FHIT: variants seen among roughly 807,000 people sequenced by gnomAD.
FHIT encodes the protein fragile histidine triad diadenosine triphosphatase.
FHIT carries 19 observed loss-of-function variants against 17.9 expected under a neutral mutation model. The observed-to-expected ratio is 1.06, with a 90% CI of 0.74 to 1.56. FHIT has a LOEUF of 1.56. Among genes scored for constraint, FHIT ranks in the 40% most tolerant of loss-of-function variants. FHIT has a pLI of 0.00. For missense variants in FHIT, 248 were observed against 189.2 expected (o/e 1.31, Z -1.82); for synonymous variants, 81 against 69.7 (o/e 1.16, Z -0.81).
chr3:61,237,203 C>A (rs141037805), intron 1 of FHIT, among the ~76,000 whole-genome samples: 48 of 152,254 alleles, frequency 3.2e-4, no homozygotes, highest in African/African-American at 9.1e-4. Flanking sequence ...ATTAAAAATG[C>A]TTTCAGTATT....
At chr3:59,944,517 T>TC (rs1164155289) in intron 7 of FHIT, among the ~76,000 whole-genome samples, 2 of 151,804 alleles carry the variant, frequency 1.3e-5, no homozygotes, top group Non-Finnish European at 2.9e-5. Flanking sequence ...TTTTTTTCTT[T>TC]TTTTTTTATT....
intron 5 of FHIT, among the ~76,000 whole-genome samples, chr3:60,288,250 T>C (rs1241213584): frequency 1.3e-5 from 2 of 152,150 alleles, no homozygotes; most frequent in East Asian, 3.9e-4. Flanking sequence ...TTTTATGACC[T>C]AGACTCTGAA....
intron 3 of FHIT, among the ~76,000 whole-genome samples, chr3:60,845,541 G>A (rs577905111): frequency 1.3e-5 from 2 of 152,020 alleles, no homozygotes; most frequent in Non-Finnish European, 2.9e-5. Flanking sequence ...TCTTGGAGAG[G>A]TAAAAATAAA....
intron 4 of FHIT, among the ~76,000 whole-genome samples, chr3:60,554,865 A>C (rs2036690509): frequency 6.6e-6 from 1 of 152,206 alleles, no homozygotes; most frequent in Non-Finnish European, 1.5e-5. Context: ...ATGGCAAAGC[A>C]ATGCTGCTCA....
chr3:60,862,943 G>C (rs952375624), intron 3 of FHIT, among the ~76,000 whole-genome samples: 1 of 151,992 alleles, frequency 6.6e-6, no homozygotes, highest in Non-Finnish European at 1.5e-5. Context: ...ATGTATCAAG[G>C]TTACTAGTCA....
At position 60,581,131 on chromosome 3, in the gene FHIT, C is replaced by T. The variant is rs141489276; in HGVS notation, c.-17-44152G>A. ...AACCTCTCATTCTCTCTTGCTCACT[C>T]GCACACACATTATTTCTACTTTATG... On this transcript the variant is annotated intron_variant, in intron 4 of 9. Coordinates refer to ENST00000492590, the MANE Select transcript of FHIT (RefSeq NM_002012.4). 2.6e-5 allele frequency among the ~76,000 whole-genome samples: 4 copies of T among 152,192 alleles called. 1 individual carries two copies. The South Asian group carries it at 6.2e-4, about 24-fold the overall frequency.
Position 59,932,750 on chromosome 3 carries a change from C to G in FHIT, c.280-10336G>C, listed in dbSNP as rs138042694. ...TTTCTGTAATAGACCTAAACAGGAA[C>G]AGTGAGAGACGATTACACTTCAAGT... On this transcript the variant is annotated intron_variant, in intron 7 of 9. Coordinates refer to ENST00000492590, the MANE Select transcript of FHIT (RefSeq NM_002012.4). 3.9e-3 allele frequency among the ~76,000 whole-genome samples: 593 copies of G among 152,144 alleles called. 9 individuals carry two copies. Among genetic ancestry groups the G allele is most frequent in the Non-Finnish European group, 3.8e-3 (259 of 68,010 alleles).
intron 8 of FHIT, among the ~76,000 whole-genome samples, chr3:59,799,816 C>T (rs966281269): frequency 3.9e-5 from 6 of 152,150 alleles, no homozygotes; most frequent in South Asian, 2.1e-4. Context: ...TAATACATAA[C>T]GGTGTCTTGC....
intron 8 of FHIT, among the ~76,000 whole-genome samples, chr3:59,858,334 C>G (rs1188079875): frequency 1.4e-5 from 2 of 140,070 alleles, no homozygotes; most frequent in East Asian, 4.4e-4. Context: ...TCCAGTGATT[C>G]TCTTGCCTCA....
chr3:61,212,511 C>A lies in FHIT; in HGVS notation c.-212-11846G>T, dbSNP rs184776678. Among the ~76,000 whole-genome samples, 34 of 152,122 alleles carry A rather than the reference C, an allele frequency of 2.2e-4. 1 individual carries two copies. In the East Asian group the frequency reaches 6.0e-3, roughly 27 times the overall value. ...GAAATATGGGACTATGTGAAAACAC[C>A]AAATCTACGTCTGATTGGTGTACCT... On this transcript the variant is annotated intron_variant, in intron 1 of 9. Transcript: ENST00000492590.
intron 2 of FHIT, among the ~76,000 whole-genome samples, chr3:61,073,793 A>G (rs1416721487): frequency 6.6e-6 from 1 of 152,182 alleles, no homozygotes; most frequent in Non-Finnish European, 1.5e-5. Flanking sequence ...TGTAATGACT[A>G]GCAATTTAAA....
chr3:60,061,694 T>G (rs1325558645), intron 5 of FHIT, among the ~76,000 whole-genome samples: 1 of 152,174 alleles, frequency 6.6e-6, no homozygotes, highest in Non-Finnish European at 1.5e-5. Context: ...ACAGAGAGGG[T>G]TCTTTGCTCA....
chr3:61,094,315 A>G (rs567097620), intron 2 of FHIT, among the ~76,000 whole-genome samples: 1 of 152,296 alleles, frequency 6.6e-6, no homozygotes, highest in Non-Finnish European at 1.5e-5. Flanking sequence ...GGGAGTTTGA[A>G]TTCTGCCTCT....
intron 5 of FHIT, among the ~76,000 whole-genome samples, chr3:60,095,005 T>C (rs774138865): frequency 6.6e-6 from 1 of 152,196 alleles, no homozygotes; most frequent in Non-Finnish European, 1.5e-5. Context: ...TTTTTTAATA[T>C]CTGTTTTACA....
chr3:60,164,204 T>C (rs558261964), intron 5 of FHIT, among the ~76,000 whole-genome samples: 3 of 152,290 alleles, frequency 2.0e-5, no homozygotes, highest in African/African-American at 4.8e-5. Flanking sequence ...CCTGGCAGGA[T>C]GGACATTAAC....
At chr3:60,292,333 G>T (rs17062707) in intron 5 of FHIT, among the ~76,000 whole-genome samples, 3,837 of 152,180 alleles carry the variant, frequency 0.025, 61 homozygotes, top group African/African-American at 0.044. Context: ...ACTGTAGTCG[G>T]ATATCATCTC....
At chr3:59,874,300 C>T (rs1376160125) in intron 8 of FHIT, among the ~76,000 whole-genome samples, 2 of 152,154 alleles carry the variant, frequency 1.3e-5, no homozygotes, top group Non-Finnish European at 2.9e-5. Context: ...ATGCTGTATT[C>T]ACGAAATGCC....
chr3:61,149,413 TTAA>T (rs1317276326), intron 2 of FHIT, among the ~76,000 whole-genome samples: 1 of 151,658 alleles, frequency 6.6e-6, no homozygotes, highest in Non-Finnish European at 1.5e-5. Flanking sequence ...TAAATAAAAA[TTAA>T]TAAGTTTAAT....
chr3:60,958,506 G>T (rs975177267), intron 3 of FHIT, among the ~76,000 whole-genome samples: 9 of 152,256 alleles, frequency 5.9e-5, no homozygotes, highest in African/African-American at 2.2e-4. Context: ...ATTATTAAAG[G>T]TTACACTGGT....
Sources: gnomAD v4.1 joint callset for allele counts (sites outside exome capture counted in the v4.1 genomes callset) on GRCh38, gnomAD v4.1.1 for gene constraint, MANE v1.5 for transcripts, NCBI Gene and HGNC (gene_info 2026-07-23, HGNC 2026-07-21) for gene names.